Variants in DLEC1 observed in about 807,000 individuals in gnomAD.
DLEC1 encodes the protein DLEC1 cilia and flagella associated protein, also known as deleted in lung and esophageal cancer protein 1.
A neutral mutation model predicts 198.1 loss-of-function variants in DLEC1; 146 were observed. The ratio of observed to expected loss-of-function variants is 0.74; its 90% CI spans 0.64 to 0.85. DLEC1 has a LOEUF of 0.85. DLEC1 is among the 40% of genes least tolerant of loss of function. The pLI is 0.00. For synonymous variants in DLEC1, 897 were observed against 866.8 expected, an observed-to-expected ratio of 1.03 and a Z score of -0.61; for missense variants, 2,233 against 2,220.0, an observed-to-expected ratio of 1.01 and a Z score of -0.12.
At chr3:38,111,965 A>C (rs1283857394) in intron 24 of DLEC1, among the ~76,000 whole-genome samples, 1 of 152,080 alleles carries the variant, frequency 6.6e-6, no homozygotes, top group Non-Finnish European at 1.5e-5. Context: ...TTGGGATGGG[A>C]GTGGCTCATG....
At chr3:38,087,748 A>G (rs1698541661) in intron 9 of DLEC1, among the ~76,000 whole-genome samples, 1 of 152,242 alleles carries the variant, frequency 6.6e-6, no homozygotes, top group Admixed American at 6.5e-5. Context: ...CATTTCTGTT[A>G]CTGACCAGGG....
chr3:38,115,394 C>T (rs575241202), intron 27 of DLEC1, among the ~76,000 whole-genome samples: 1 of 152,330 alleles, frequency 6.6e-6, no homozygotes, highest in South Asian at 2.1e-4. Context: ...TGACTGTGGA[C>T]TGCAGTGTGT....
rs200991090 is a variant in DLEC1, at chr3:38,095,947, G to T, written c.2171+1G>T. 1.2e-6 allele frequency: 2 copies of T among 1,613,600 alleles called. No homozygotes were observed. Among genetic ancestry groups the T allele is most frequent in the African/African-American group, 1.3e-5 (1 of 75,048 alleles). ...TAGAGGAAGTCCCAGAGCCTGTAAG[G>T]TGAGAGAAACTGGGCCCTGGATGAG... On this transcript the variant is annotated splice_donor_variant, in intron 14 of 36. Transcript: ENST00000308059. LOFTEE classifies it high-confidence loss of function.
Position 38,063,864 on chromosome 3 carries a change from T to C in DLEC1, c.1118T>C (p.Leu373Pro). Reference protein sequence around the residue: ...EQSCADTPVFLAKPPIGFFTD... With the variant: ...EQSCADTPVFPAKPPIGFFTD... Reference sequence around the variant, plus strand: ...AGTTGTGCTGATACTCCAGTGTTTCTAGCTAAGCCACCAATTGGGTTTTTC... The same window carrying C: ...AGTTGTGCTGATACTCCAGTGTTTCCAGCTAAGCCACCAATTGGGTTTTTC... Residue 373 changes from leucine (L) to proline (P), a missense_variant, in exon 6 of 37, where the codon CTA becomes CCA. Physicochemically the swap from Leu to Pro is moderately conservative, Grantham distance 98. Transcript: ENST00000308059. The C allele has an allele frequency of 6.2e-7, 1 of 1,613,756 alleles. No homozygotes were observed. The highest frequency in any genetic ancestry group is 8.5e-7 in the Non-Finnish European group (1 of 1,179,750).
In DLEC1 at chr3:38,123,055, C is replaced by A; in HGVS notation, c.*643C>A. The A allele has an allele frequency of 6.2e-7, 1 of 1,614,156 alleles. No individual in the cohort carries two copies. Among genetic ancestry groups the A allele is most frequent in the East Asian group, 2.2e-5 (1 of 44,884 alleles). ...CCAGCCTGGGACCTCACTCAGTTCC[C>A]AGGGTATTCAAAGACGGCAGCGGCT... is the stretch of plus-strand genomic sequence containing the variant. On this transcript the variant is annotated 3_prime_UTR_variant, in exon 37 of 37. Transcript: ENST00000308059.
Position 38,122,331 on chromosome 3 carries a change from G to A in DLEC1, c.5187G>A (p.Val1729=). 6.2e-7 allele frequency: 1 copy of A among 1,614,122 alleles called. No homozygotes were observed. Among genetic ancestry groups the A allele is most frequent in the Non-Finnish European group, 8.5e-7 (1 of 1,179,992 alleles). The change falls in exon 37 of 37, where the codon GTG becomes GTA. Residue 1729 remains valine, a synonymous_variant. Coordinates refer to ENST00000308059, the MANE Select transcript of DLEC1 (RefSeq NM_007335.4). ...LYESTMVVEG[V]LGEKSCTLRL... Reference sequence around the variant, plus strand: ...AGTCCACGATGGTGGTGGAAGGTGTGCTCGGTGAGAAGTCCTGCACCCTGC... The same window carrying A: ...AGTCCACGATGGTGGTGGAAGGTGTACTCGGTGAGAAGTCCTGCACCCTGC...
Position 38,063,997 on chromosome 3 carries a change from TTTTTTTTTTC to T in DLEC1, c.1173+88_1173+97del. 15 of 835,604 alleles carry T rather than the reference TTTTTTTTTTC, an allele frequency of 1.8e-5. No individual in the cohort carries two copies. The African/African-American group carries it at 2.6e-4, about 14-fold the overall frequency. 51.8% of individuals were successfully genotyped at this position (835,604 alleles called of 1,614,324 possible). A position where few individuals can be genotyped will look rare whatever the true frequency, so the allele number is the denominator to read the frequency against. On this transcript the variant is annotated intron_variant, in intron 6 of 36. Transcript: ENST00000308059. ...AAAAGTCTTTATTATGGAAATTTTC[TTTTTTTTTTC>T]TTTTTTTTTTTTTTTTTAGTATTTA... is the stretch of plus-strand genomic sequence containing the variant.
chr3:38,044,329 T>G (rs1446878449), intron 1 of DLEC1, among the ~76,000 whole-genome samples: 2 of 151,886 alleles, frequency 1.3e-5, no homozygotes, highest in African/African-American at 4.8e-5. Flanking sequence ...GAGGCTGAGG[T>G]GAGTAGATCA....
At chr3:38,089,249 C>T (rs1698620877) in intron 10 of DLEC1, among the ~76,000 whole-genome samples, 1 of 152,244 alleles carries the variant, frequency 6.6e-6, no homozygotes, top group South Asian at 2.1e-4. Context: ...CTGGAAACAA[C>T]ACCAAGGCCC....
At chr3:38,047,334 G>A (rs913386245) in intron 2 of DLEC1, among the ~76,000 whole-genome samples, 8 of 152,138 alleles carry the variant, frequency 5.3e-5, no homozygotes, top group Non-Finnish European at 1.0e-4. Context: ...ATACTGCAAA[G>A]TTGTTTAAAA....
chr3:38,074,989 CTG>C (rs1278994720), intron 6 of DLEC1, among the ~76,000 whole-genome samples: 3 of 152,194 alleles, frequency 2.0e-5, no homozygotes, highest in South Asian at 2.1e-4. Context: ...CAGAACTAAA[CTG>C]TAAGCCGGAC....
At chr3:38,060,639 GAAGT>G (rs1696629053) in intron 3 of DLEC1, among the ~76,000 whole-genome samples, 1 of 152,114 alleles carries the variant, frequency 6.6e-6, no homozygotes, top group South Asian at 2.1e-4. Flanking sequence ...GCTACGTAGG[GAAGT>G]AAGGCAAGAA....
intron 1 of DLEC1, 37 bp downstream of exon 1, chr3:38,039,673 C>T: frequency 6.4e-7 from 1 of 1,557,244 alleles, no homozygotes; most frequent in South Asian, 1.2e-5. Flanking sequence ...CGGACGGTGC[C>T]GGGGTCTCAG....
chr3:38,043,079 C>T (rs1700732916), intron 1 of DLEC1, among the ~76,000 whole-genome samples: 1 of 152,132 alleles, frequency 6.6e-6, no homozygotes, highest in Non-Finnish European at 1.5e-5. Flanking sequence ...TCCCCAAGCC[C>T]ACCTATAGAA....
At chr3:38,108,748 T>G (rs953703273) in intron 21 of DLEC1, among the ~76,000 whole-genome samples, 1 of 152,230 alleles carries the variant, frequency 6.6e-6, no homozygotes, top group Non-Finnish European at 1.5e-5. Flanking sequence ...CCACTGGCCA[T>G]GCCTGGCCTT....
At chr3:38,042,800 C>G (rs1214241988) in intron 1 of DLEC1, among the ~76,000 whole-genome samples, 4 of 152,140 alleles carry the variant, frequency 2.6e-5, no homozygotes, top group Admixed American at 2.0e-4. Context: ...CGTGATCCAC[C>G]CGCCTCGGCC....
chr3:38,121,385 C>T (rs1234715664), intron 34 of DLEC1, among the ~76,000 whole-genome samples: 1 of 152,206 alleles, frequency 6.6e-6, no homozygotes, highest in Non-Finnish European at 1.5e-5. Flanking sequence ...GGGACTGAAG[C>T]TTTATGAGTT....
chr3:38,079,640 C>T (rs964067207), intron 6 of DLEC1, among the ~76,000 whole-genome samples: 16 of 152,132 alleles, frequency 1.1e-4, no homozygotes, highest in African/African-American at 2.4e-4. Flanking sequence ...TTGGACAGTC[C>T]GATTTCCAGT....
At chr3:38,053,541 CGT>C (rs1701247185) in intron 2 of DLEC1, among the ~76,000 whole-genome samples, 1 of 149,016 alleles carries the variant, frequency 6.7e-6, no homozygotes, top group Admixed American at 6.7e-5. Flanking sequence ...AAGTGAGGAG[CGT>C]CTCCACCCGG....
Sources: gnomAD v4.1 joint callset for allele counts (sites outside exome capture counted in the v4.1 genomes callset) on GRCh38, gnomAD v4.1.1 for gene constraint, MANE v1.5 for transcripts, NCBI Gene and HGNC (gene_info 2026-07-23, HGNC 2026-07-21) for gene names.